PTPRO: variants seen among roughly 807,000 people sequenced by gnomAD.
The protein encoded by PTPRO is protein tyrosine phosphatase receptor type O, also known as receptor-type tyrosine-protein phosphatase O.
Under a neutral mutation model 145.2 loss-of-function variants are expected in PTPRO, and 62 were observed. The observed-to-expected ratio is 0.43, with a 90% CI of 0.35 to 0.53. PTPRO has a LOEUF of 0.53. PTPRO is among the 20% of genes least tolerant of loss of function. The pLI, the probability that PTPRO is intolerant of heterozygous loss-of-function variation, is 0.01. For synonymous variants in PTPRO, 565 were observed against 514.7 expected (o/e 1.10, Z -1.32); for missense variants, 1,345 against 1,482.7 (o/e 0.91, Z 1.53).
At chr12:15,522,790 C>T (rs1942753214) in intron 10 of PTPRO, among the ~76,000 whole-genome samples, 1 of 152,118 alleles carries the variant, frequency 6.6e-6, no homozygotes, top group South Asian at 2.1e-4. Flanking sequence ...TGTGGCCTTC[C>T]AGCAATATGC....
intron 6 of PTPRO, 131 bp from the exon 7 acceptor site, chr12:15,508,440 A>C: frequency 1.0e-6 from 1 of 961,800 alleles, no homozygotes; most frequent in Non-Finnish European, 1.6e-6. Flanking sequence ...AAGAGTTGCC[A>C]GTCCGACCGC....
chr12:15,497,259 A>C lies in PTPRO; in HGVS notation c.364A>C (p.Thr122Pro). 2 of 1,573,644 alleles carry C rather than the reference A, an allele frequency of 1.3e-6. No individual in the cohort carries two copies. The highest frequency in any genetic ancestry group is 2.7e-5 in the African/African-American group (2 of 74,052). Residue 122 changes from threonine to proline, a missense_variant, in exon 3 of 27, where the codon ACC (threonine) becomes CCC (proline). This residue lies in a region of PTPRO where 1,130 missense variants were observed against 1,214.7 expected (regional missense o/e 0.93). Coordinates refer to ENST00000281171, the MANE Select transcript of PTPRO (RefSeq NM_030667.3). ...ITVLTKPLPV[T>P]SVSIYDYKPS... ...CACTTCTGTAGAACCTCTACCTGTA[A>C]CCAGTGTTTCCATATATGACTATAA...
At chr12:15,360,632 T>C (rs1224559943) in intron 1 of PTPRO, among the ~76,000 whole-genome samples, 1 of 146,076 alleles carries the variant, frequency 6.8e-6, no homozygotes, top group Non-Finnish European at 1.5e-5. Context: ...TATATATATG[T>C]GTGTGTGTAT....
intron 2 of PTPRO, among the ~76,000 whole-genome samples, chr12:15,495,683 T>C (rs1942084637): frequency 6.6e-6 from 1 of 152,064 alleles, no homozygotes; most frequent in Non-Finnish European, 1.5e-5. Context: ...CAGTCAGTGC[T>C]CTGAAGTAGT....
At chr12:15,487,893 TC>T (rs776610973) in intron 2 of PTPRO, among the ~76,000 whole-genome samples, 46 of 152,352 alleles carry the variant, frequency 3.0e-4, no homozygotes, top group Non-Finnish European at 2.2e-4. Flanking sequence ...ATTCTTTGCA[TC>T]CATTTAGACC....
rs1942127831 is a variant in PTPRO, at chr12:15,497,339, C to T, written c.444C>T (p.Asn148=). Residue 148 remains asparagine, a synonymous_variant, in exon 3 of 27, where the codon AAC becomes AAT. Coordinates refer to ENST00000281171, the MANE Select transcript of PTPRO (RefSeq NM_030667.3). The stretch of plus-strand genomic sequence containing the variant: ...AAATACATTATCCAGAAAAATATAA[C>T]GTTTTCACAAGAGTGAACATTAGCT... ...LFEIHYPEKY[N]VFTRVNISYW... is the part of the protein sequence containing the mutation. 1.9e-6 allele frequency: 3 copies of T among 1,611,120 alleles called. No individual in the cohort carries two copies. The highest frequency in any genetic ancestry group is 3.3e-5 in the Admixed American group (2 of 59,968).
chr12:15,390,974 A>G (rs1939173881), intron 1 of PTPRO, among the ~76,000 whole-genome samples: 1 of 152,204 alleles, frequency 6.6e-6, no homozygotes, highest in South Asian at 2.1e-4. Context: ...TTCTTGCTAT[A>G]TACTCACATG....
chr12:15,492,802 G>A (rs1320343708), intron 2 of PTPRO, among the ~76,000 whole-genome samples: 1 of 152,070 alleles, frequency 6.6e-6, no homozygotes, highest in Non-Finnish European at 1.5e-5. Flanking sequence ...ATATAGCACA[G>A]TGAGGCAATT....
chr12:15,496,827 T>C (rs553018398), intron 2 of PTPRO, among the ~76,000 whole-genome samples: 1 of 152,316 alleles, frequency 6.6e-6, no homozygotes, highest in East Asian at 1.9e-4. Flanking sequence ...TACTGGTCTG[T>C]TACTGATATC....
At chr12:15,440,097 T>C (rs1940719063) in intron 1 of PTPRO, 5 of 632,408 alleles carry the variant, frequency 7.9e-6, no homozygotes, top group Non-Finnish European at 1.1e-5. Context: ...AGCTCTGTGC[T>C]GGTGCACCTC....
At chr12:15,477,140 G>T (rs1941672025) in intron 1 of PTPRO, among the ~76,000 whole-genome samples, 1 of 41,176 alleles carries the variant, frequency 2.4e-5, no homozygotes, top group East Asian at 6.4e-4. Flanking sequence ...AGAAAATGTG[G>T]CACATATACA....
intron 1 of PTPRO, among the ~76,000 whole-genome samples, chr12:15,352,424 G>A (rs1418514476): frequency 6.6e-6 from 1 of 152,088 alleles, no homozygotes; most frequent in East Asian, 1.9e-4. Flanking sequence ...GCCAAGGTGG[G>A]CGGATCACGA....
At chr12:15,483,347 C>G (rs753105324) in intron 1 of PTPRO, among the ~76,000 whole-genome samples, 4 of 152,188 alleles carry the variant, frequency 2.6e-5, no homozygotes, top group Admixed American at 2.6e-4. Context: ...GTCCATCAAC[C>G]GCTGATCCCC....
Position 15,483,519 on chromosome 12 carries a change from C to T in PTPRO, c.76-455C>T, listed in dbSNP as rs1011649353. ...GAGCTAGCAGATGAGAGGAAATAGA[C>T]GAAATAACTGCCTTGATATATTCTG... On this transcript the variant is annotated intron_variant, in intron 1 of 26. Coordinates refer to ENST00000281171, the MANE Select transcript of PTPRO (RefSeq NM_030667.3). Among the ~76,000 whole-genome samples the T allele has an allele frequency of 7.9e-5, 12 of 152,124 alleles. No homozygotes were observed. In the East Asian group the frequency reaches 9.6e-4, roughly 12 times the overall value.
chr12:15,517,366 C>G (rs569252232), intron 9 of PTPRO, among the ~76,000 whole-genome samples: 17 of 152,300 alleles, frequency 1.1e-4, no homozygotes, highest in Non-Finnish European at 2.5e-4. Context: ...CACAGGGTCC[C>G]TCGCACAACA....
intron 12 of PTPRO, among the ~76,000 whole-genome samples, chr12:15,533,395 T>C (rs1943001675): frequency 6.6e-6 from 1 of 152,180 alleles, no homozygotes; most frequent in Admixed American, 6.5e-5. Flanking sequence ...TGAAAACATA[T>C]AATGTTGGTT....
At chr12:15,562,945 T>C (rs1943811370) in intron 17 of PTPRO, among the ~76,000 whole-genome samples, 1 of 152,144 alleles carries the variant, frequency 6.6e-6, no homozygotes, top group African/African-American at 2.4e-5. Context: ...GGATGGTTTC[T>C]GCTTAGCTCA....
At chr12:15,536,047 CT>C (rs200130800) in intron 12 of PTPRO, among the ~76,000 whole-genome samples, 1 of 150,386 alleles carries the variant, frequency 6.6e-6, no homozygotes, top group African/African-American at 2.5e-5. Context: ...AGGTCTTATA[CT>C]TTTTTAAAAA....
chr12:15,466,363 T>C (rs1941415567), intron 1 of PTPRO, among the ~76,000 whole-genome samples: 1 of 152,202 alleles, frequency 6.6e-6, no homozygotes, highest in Non-Finnish European at 1.5e-5. Context: ...ACGGCAAATC[T>C]GAGTTACCAT....
Sources: gnomAD v4.1 joint callset for allele counts (sites outside exome capture counted in the v4.1 genomes callset) on GRCh38, gnomAD v4.1.1 for gene constraint, gnomAD v4.1.1 regional missense constraint, MANE v1.5 for transcripts, NCBI Gene and HGNC (gene_info 2026-07-23, HGNC 2026-07-21) for gene names.